The following ERBB4 variants were observed in gnomAD, a reference collection of about 807,000 sequenced individuals.
ERBB4 encodes erb-b2 receptor tyrosine kinase 4.
Under a neutral mutation model 158.0 loss-of-function variants are expected in ERBB4, and 42 were observed. The observed-to-expected ratio is 0.27, with a 90% CI of 0.21 to 0.34. The LOEUF is 0.34. ERBB4 is among the 10% of genes least tolerant of loss of function. The probability of loss-of-function intolerance (pLI) is 1.00; values close to 1 mark genes in which losing one functional copy is unlikely to be tolerated. For synonymous variants in ERBB4, 583 were observed against 558.7 expected (o/e 1.04, Z -0.61); for missense variants, 1,333 against 1,624.1 (o/e 0.82, Z 3.08).
intron 1 of ERBB4, among the ~76,000 whole-genome samples, chr2:212,445,921 G>A (rs55992489): frequency 0.41 from 62,822 of 152,052 alleles, 13,623 homozygotes; most frequent in African/African-American, 0.49. Context: ...TTCTTTTGCT[G>A]AAAACATGTT....
chr2:212,285,185 C>T (rs1219060536), intron 1 of ERBB4, among the ~76,000 whole-genome samples: 1 of 152,092 alleles, frequency 6.6e-6, no homozygotes, highest in Non-Finnish European at 1.5e-5. Context: ...TTCGCCAAAA[C>T]AGAGATAATC....
At chr2:212,215,852 T>C (rs2083082434) in intron 1 of ERBB4, among the ~76,000 whole-genome samples, 1 of 151,494 alleles carries the variant, frequency 6.6e-6, no homozygotes, top group Non-Finnish European at 1.5e-5. Flanking sequence ...TTTATTAATG[T>C]CCAAGGTTGC....
At chr2:212,234,546 A>C (rs888152442) in intron 1 of ERBB4, among the ~76,000 whole-genome samples, 20 of 152,146 alleles carry the variant, frequency 1.3e-4, no homozygotes, top group Admixed American at 2.6e-4. Context: ...TAGATCCTTA[A>C]GGAATTGCCA....
At chr2:211,434,040 G>A (rs924138645) in intron 20 of ERBB4, among the ~76,000 whole-genome samples, 2 of 152,148 alleles carry the variant, frequency 1.3e-5, no homozygotes. Flanking sequence ...ATCATCCTTA[G>A]TATTTGTTTG....
chr2:211,865,022 A>G (rs769996198), intron 3 of ERBB4, among the ~76,000 whole-genome samples: 5 of 152,078 alleles, frequency 3.3e-5, no homozygotes, highest in African/African-American at 7.3e-5. Context: ...AAAATAAAAA[A>G]TAAATAAATA....
At chr2:211,587,490 G>A (rs942062570) in intron 19 of ERBB4, among the ~76,000 whole-genome samples, 1 of 152,126 alleles carries the variant, frequency 6.6e-6, no homozygotes, top group South Asian at 2.1e-4. Context: ...GGATTGCAGC[G>A]ATGCGGCCTA....
intron 2 of ERBB4, among the ~76,000 whole-genome samples, chr2:212,033,953 T>C (rs1190634642): frequency 6.6e-6 from 1 of 151,842 alleles, no homozygotes; most frequent in Admixed American, 6.6e-5. Flanking sequence ...TAAATCATAA[T>C]CAAAAATGAA....
chr2:212,339,131 T>A (rs534187414), intron 1 of ERBB4, among the ~76,000 whole-genome samples: 1 of 152,246 alleles, frequency 6.6e-6, no homozygotes, highest in East Asian at 1.9e-4. Flanking sequence ...AAGTCCAGCA[T>A]GCATTAGCTA....
intron 3 of ERBB4, among the ~76,000 whole-genome samples, chr2:211,892,680 T>A (rs1192795663): frequency 2.1e-5 from 3 of 145,318 alleles, no homozygotes; most frequent in Non-Finnish European, 4.5e-5. Context: ...CAGCCCAAAA[T>A]CTCCTTAAGC....
At chr2:211,641,416 T>G (rs999708394) in intron 16 of ERBB4, among the ~76,000 whole-genome samples, 3 of 152,108 alleles carry the variant, frequency 2.0e-5, no homozygotes, top group African/African-American at 7.2e-5. Context: ...GGAACAAACC[T>G]TAAAAATATT....
chr2:211,620,733 A>T (rs2069569165), intron 18 of ERBB4, among the ~76,000 whole-genome samples: 3 of 152,206 alleles, frequency 2.0e-5, no homozygotes, highest in Non-Finnish European at 4.4e-5. Flanking sequence ...AAACAGGCTT[A>T]TTATTCATTA....
In ERBB4 at chr2:211,782,292, A is replaced by G. The variant is rs144642022; in HGVS notation, c.556+5733T>C. On this transcript the variant is annotated intron_variant, in intron 4 of 27. Transcript: ENST00000342788. ...CCCTCAGCTGGCACTGTTCTATGGA[A>G]GAAACATGAGACTGTGAAGTTGATG... Among the ~76,000 whole-genome samples the G allele has an allele frequency of 1.0e-3, 152 of 152,298 alleles. 1 individual carries two copies. The highest frequency in any genetic ancestry group is 3.4e-3 in the African/African-American group (143 of 41,564).
intron 2 of ERBB4, among the ~76,000 whole-genome samples, chr2:211,999,640 T>C (rs1223023615): frequency 6.6e-6 from 1 of 151,876 alleles, no homozygotes; most frequent in Non-Finnish European, 1.5e-5. Flanking sequence ...TCTCAGTGTT[T>C]ACTGCTTTGT....
chr2:211,753,668 T>C (rs1212426196), intron 4 of ERBB4, among the ~76,000 whole-genome samples: 1 of 151,586 alleles, frequency 6.6e-6, no homozygotes, highest in Non-Finnish European at 1.5e-5. Flanking sequence ...ATGTGACATC[T>C]AAAAGGAGAT....
At chr2:212,095,767 C>T (rs13013707) in intron 2 of ERBB4, among the ~76,000 whole-genome samples, 86,636 of 150,494 alleles carry the variant, frequency 0.58, 27,933 homozygotes, top group Non-Finnish European at 0.73. Context: ...CCCGTCTCTA[C>T]TAAAAACACA....
chr2:211,384,048 G>C lies in ERBB4; in HGVS notation c.3494C>G (p.Pro1165Arg), dbSNP rs202042335. Residue 1165 changes from proline to arginine, a missense_variant, in exon 28 of 28, where the codon CCA becomes CGA. Pro to Arg is a moderately radical substitution (Grantham distance 103). Transcript: ENST00000342788. ...RDKPKQEYLN[P>R]VEENPFVSRR... is the part of the protein sequence containing the mutation. ...AGAAACAAAAGGGTTCTCCTCCACT[G>C]GATTCAGGTATTCTAAAGGAATAAA... 6.2e-7 allele frequency: 1 copy of C among 1,612,030 alleles called. No individual in the cohort carries two copies. Among genetic ancestry groups the C allele is most frequent in the Non-Finnish European group, 8.5e-7 (1 of 1,178,350 alleles).
chr2:211,610,903 T>C (rs572142919), intron 19 of ERBB4, among the ~76,000 whole-genome samples: 3 of 152,230 alleles, frequency 2.0e-5, no homozygotes, highest in African/African-American at 7.2e-5. Flanking sequence ...AGGTTGAGGC[T>C]TACGGAGAGC....
chr2:211,405,851 A>AT (rs2063135355), intron 25 of ERBB4, among the ~76,000 whole-genome samples: 1 of 152,132 alleles, frequency 6.6e-6, no homozygotes, highest in African/African-American at 2.4e-5. Flanking sequence ...TTAAAATATT[A>AT]ATTACATCTC....
At chr2:212,428,660 T>C (rs924911804) in intron 1 of ERBB4, among the ~76,000 whole-genome samples, 1 of 152,174 alleles carries the variant, frequency 6.6e-6, no homozygotes, top group Non-Finnish European at 1.5e-5. Context: ...AAAATAGATT[T>C]CATGTTGTGT....
Sources: allele counts gnomAD v4.1 joint callset (sites outside exome capture counted in the v4.1 genomes callset), GRCh38; gene constraint gnomAD v4.1.1; transcripts MANE v1.5; gene names NCBI Gene and HGNC (gene_info 2026-07-23, HGNC 2026-07-21).